DNAH6: variants seen among roughly 807,000 people sequenced by gnomAD.
DNAH6 encodes the protein dynein axonemal heavy chain 6.
Under a neutral mutation model 491.4 loss-of-function variants are expected in DNAH6, and 340 were observed. The ratio of observed to expected loss-of-function variants is 0.69; its 90% CI spans 0.63 to 0.76. DNAH6 has a LOEUF of 0.76. Among genes scored for constraint, DNAH6 ranks in the 30% least tolerant of loss-of-function variants. DNAH6 has a pLI of 0.00. For missense variants in DNAH6, 4,443 were observed against 4,972.2 expected, an observed-to-expected ratio of 0.89 and a Z score of 3.20; for synonymous variants, 1,603 against 1,686.1, an observed-to-expected ratio of 0.95 and a Z score of 1.21.
intron 4 of DNAH6, among the ~76,000 whole-genome samples, chr2:84,535,020 T>G (rs999436915): frequency 6.6e-6 from 1 of 151,976 alleles, no homozygotes; most frequent in Non-Finnish European, 1.5e-5. Flanking sequence ...AAGGTCTTTT[T>G]GATCCTATAT....
Position 84,658,412 on chromosome 2 carries a change from A to G in DNAH6, c.5878A>G (p.Thr1960Ala). 6.5e-7 allele frequency: 1 copy of G among 1,548,594 alleles called. No homozygotes were observed. Among genetic ancestry groups the G allele is most frequent in the Non-Finnish European group, 8.7e-7 (1 of 1,145,236 alleles). ...AIPQVDISKV[T>A]TLCCLLESLI... ...TCCACAAGTGGACATCAGCAAAGTT[A>G]CTACACTCTGTTGCTTATTGGAGTC... Residue 1960 changes from threonine to alanine, a missense_variant, in exon 36 of 77, where the codon ACT becomes GCT. Transcript: ENST00000389394.
chr2:84,655,452 C>T (rs774434076), intron 35 of DNAH6, among the ~76,000 whole-genome samples: 1 of 152,098 alleles, frequency 6.6e-6, no homozygotes, highest in Non-Finnish European at 1.5e-5. Context: ...GTTTCCCCCA[C>T]ATCTCATCCC....
At chr2:84,760,304 G>A (rs1179838437) in intron 63 of DNAH6, among the ~76,000 whole-genome samples, 2 of 143,074 alleles carry the variant, frequency 1.4e-5, no homozygotes, top group Non-Finnish European at 3.0e-5. Context: ...CAAAAAATAG[G>A]CAAATGGGAC....
chr2:84,792,103 T>C lies in DNAH6; in HGVS notation c.11240-4203T>C, dbSNP rs73946008. Among the ~76,000 whole-genome samples the C allele has an allele frequency of 6.7e-3, 1,025 of 152,326 alleles. 13 individuals carry two copies. Among genetic ancestry groups the C allele is most frequent in the African/African-American group, 0.024 (998 of 41,572 alleles). On this transcript the variant is annotated intron_variant, in intron 68 of 76. Coordinates refer to ENST00000389394, the MANE Select transcript of DNAH6 (RefSeq NM_001370.2). The stretch of plus-strand genomic sequence containing the variant: ...ACATGGATGGACCTGACTGACATTA[T>C]GCTAAGTGAAATAAGTTAGTCACAG...
At chr2:84,745,677 A>AG (rs1177326475) in intron 63 of DNAH6, among the ~76,000 whole-genome samples, 4 of 150,670 alleles carry the variant, frequency 2.7e-5, no homozygotes, top group African/African-American at 4.9e-5. Context: ...AAAAAAAAAA[A>AG]AAAAAAAGAA....
At chr2:84,682,621 A>G (rs1266946569) in intron 42 of DNAH6, among the ~76,000 whole-genome samples, 3 of 151,668 alleles carry the variant, frequency 2.0e-5, no homozygotes. Flanking sequence ...TTTCCCCTCC[A>G]CCTTGGCCAT....
chr2:84,778,884 G>A (rs978552719), intron 64 of DNAH6, among the ~76,000 whole-genome samples: 19 of 152,118 alleles, frequency 1.2e-4, no homozygotes, highest in Non-Finnish European at 1.6e-4. Flanking sequence ...TTTTATTTCT[G>A]CCTTAATATG....
chr2:84,698,901 C>A (rs1207238196), intron 47 of DNAH6, among the ~76,000 whole-genome samples: 1 of 152,136 alleles, frequency 6.6e-6, no homozygotes, highest in African/African-American at 2.4e-5. Flanking sequence ...ATGGATGCAG[C>A]TGGAGGTCAT....
intron 76 of DNAH6, among the ~76,000 whole-genome samples, chr2:84,818,512 A>T (rs1252973737): frequency 6.8e-6 from 1 of 146,864 alleles, no homozygotes; most frequent in Non-Finnish European, 1.5e-5. Flanking sequence ...AAAAAAAAAA[A>T]AGGGAAAAAA....
At chr2:84,530,375 G>T (rs1340992547) in intron 4 of DNAH6, among the ~76,000 whole-genome samples, 7 of 152,126 alleles carry the variant, frequency 4.6e-5, no homozygotes, top group African/African-American at 1.7e-4. Flanking sequence ...GAATTATGTG[G>T]TGGTGCAGTT....
chr2:84,689,074 TC>T (rs1480039703), intron 45 of DNAH6, among the ~76,000 whole-genome samples: 1 of 152,188 alleles, frequency 6.6e-6, no homozygotes, highest in Non-Finnish European at 1.5e-5. Context: ...ATATCTGCAG[TC>T]CTTGGGGCAC....
At chr2:84,795,339 AAAAT>A (rs1177458193) in intron 68 of DNAH6, among the ~76,000 whole-genome samples, 10 of 152,214 alleles carry the variant, frequency 6.6e-5, no homozygotes, top group African/African-American at 2.4e-4. Context: ...AAAATAAAAT[AAAAT>A]AAATTTAATC....
intron 37 of DNAH6, among the ~76,000 whole-genome samples, chr2:84,663,882 G>T (rs929648567): frequency 6.6e-6 from 1 of 152,212 alleles, no homozygotes; most frequent in Admixed American, 6.5e-5. Context: ...AAGCCCATCA[G>T]ACTAACAGCT....
intron 64 of DNAH6, among the ~76,000 whole-genome samples, chr2:84,781,079 T>A (rs1676643394): frequency 6.6e-6 from 1 of 152,186 alleles, no homozygotes; most frequent in African/African-American, 2.4e-5. Context: ...TAATATGTAT[T>A]TTTCTGTATA....
At chr2:84,631,455 C>G (rs1415348005) in intron 29 of DNAH6, among the ~76,000 whole-genome samples, 1 of 152,150 alleles carries the variant, frequency 6.6e-6, no homozygotes, top group Non-Finnish European at 1.5e-5. Context: ...TGCCTAATAT[C>G]TGTGAATGTT....
chr2:84,631,358 C>T (rs1264465541), intron 29 of DNAH6, among the ~76,000 whole-genome samples: 1 of 152,166 alleles, frequency 6.6e-6, no homozygotes, highest in African/African-American at 2.4e-5. Flanking sequence ...TTATATCCAT[C>T]ATAAACTTGC....
chr2:84,535,484 A>C (rs1268971465), intron 4 of DNAH6, among the ~76,000 whole-genome samples: 2 of 152,006 alleles, frequency 1.3e-5, no homozygotes, highest in Non-Finnish European at 2.9e-5. Context: ...CACCCAGAAA[A>C]GGGTTTGAGC....
intron 11 of DNAH6, among the ~76,000 whole-genome samples, chr2:84,564,076 C>A (rs1163575428): frequency 6.6e-6 from 1 of 152,092 alleles, no homozygotes; most frequent in Non-Finnish European, 1.5e-5. Flanking sequence ...TGTACCAATA[C>A]CTTGCTGTTT....
At chr2:84,537,410 A>G (rs779021330) in intron 4 of DNAH6, among the ~76,000 whole-genome samples, 2 of 152,010 alleles carry the variant, frequency 1.3e-5, no homozygotes, top group Non-Finnish European at 2.9e-5. Context: ...TAAGGCTTTT[A>G]GGCCAGAGTG....
Sources: allele counts gnomAD v4.1 joint callset (sites outside exome capture counted in the v4.1 genomes callset), GRCh38; gene constraint gnomAD v4.1.1; transcripts MANE v1.5; gene names NCBI Gene and HGNC (gene_info 2026-07-23, HGNC 2026-07-21).